STK38L: variants seen among roughly 807,000 people sequenced by gnomAD.
STK38L encodes the protein serine/threonine-protein kinase 38-like.
Under a neutral mutation model 59.7 loss-of-function variants are expected in STK38L, and 28 were observed. That is an observed-to-expected ratio of 0.47 (90% CI 0.35 to 0.64). The LOEUF is 0.64. Ranked by LOEUF, STK38L falls within the 30% of genes least tolerant of loss-of-function variation. The pLI, the probability that STK38L is intolerant of heterozygous loss-of-function variation, is 0.01. For synonymous variants in STK38L, 162 were observed against 176.8 expected, an observed-to-expected ratio of 0.92 and a Z score of 0.66; for missense variants, 314 against 555.8, an observed-to-expected ratio of 0.56 and a Z score of 4.37.
At position 27,308,470 on chromosome 12, in the gene STK38L, C is replaced by A; in HGVS notation, c.309+9C>A. On this transcript the variant is annotated intron_variant, in intron 4 of 13. Transcript: ENST00000389032. The surrounding 1 kb of genome is among the most constrained non-coding windows in gnomAD (Gnocchi z 4.5). ...GAGGAGCTTTTGGAGAGGTGTGCTT[C>A]TTTTTAAAAGTCACTACTGCTGCAA... 6.4e-7 allele frequency: 1 copy of A among 1,557,530 alleles called. No individual in the cohort carries two copies. Among genetic ancestry groups the A allele is most frequent in the South Asian group, 1.2e-5 (1 of 83,510 alleles).
Position 27,324,121 on chromosome 12 carries a change from C to T in STK38L, c.*1666C>T, listed in dbSNP as rs1479543928. 2 of 152,040 alleles carry T rather than the reference C, an allele frequency of 1.3e-5. No individual in the cohort carries two copies. The highest frequency in any genetic ancestry group is 2.1e-4 in the South Asian group (1 of 4,828). The allele number at this position is 152,040 out of a possible 1,614,324, so 9.4% of individuals were successfully genotyped here. ...TGTTTCATAAGGCCATCCTGTTTCC[C>T]CCAACTCCCCCATTTTTGGTTTGTT... is the stretch of plus-strand genomic sequence containing the variant. On this transcript the variant is annotated 3_prime_UTR_variant, in exon 14 of 14. Transcript: ENST00000389032.
intron 1 of STK38L, among the ~76,000 whole-genome samples, chr12:27,268,737 A>T (rs1396401665): frequency 1.3e-5 from 2 of 152,192 alleles, no homozygotes; most frequent in Non-Finnish European, 2.9e-5. Context: ...TCCCACCAAC[A>T]GTGTAAAAGT....
At chr12:27,283,808 A>G (rs1282469911) in intron 1 of STK38L, among the ~76,000 whole-genome samples, 2 of 152,194 alleles carry the variant, frequency 1.3e-5, no homozygotes, top group Non-Finnish European at 2.9e-5. Context: ...ATCTGAATAT[A>G]TGTACACTTA....
chr12:27,274,057 A>C (rs551111730), intron 1 of STK38L, among the ~76,000 whole-genome samples: 1 of 152,194 alleles, frequency 6.6e-6, no homozygotes, highest in East Asian at 1.9e-4. Context: ...GATTGAGACC[A>C]TCCTGGCCAA....
intron 1 of STK38L, among the ~76,000 whole-genome samples, chr12:27,256,275 T>TC (rs1943090345): frequency 6.6e-6 from 1 of 152,216 alleles, no homozygotes; most frequent in Non-Finnish European, 1.5e-5. Flanking sequence ...TTCTAGTGAC[T>TC]CCCCATGGCC....
intron 1 of STK38L, among the ~76,000 whole-genome samples, chr12:27,277,454 G>A (rs1041205264): frequency 6.6e-6 from 1 of 151,724 alleles, no homozygotes; most frequent in South Asian, 2.1e-4. Context: ...ACCTCAAAGG[G>A]TTAAATAGTC....
intron 1 of STK38L, among the ~76,000 whole-genome samples, chr12:27,274,100 A>G (rs963963582): frequency 4.3e-4 from 65 of 152,160 alleles, no homozygotes; most frequent in African/African-American, 1.4e-3. Flanking sequence ...TAAAAATACA[A>G]AAATTAGCTG....
chr12:27,257,760 C>G (rs1943119288), intron 1 of STK38L, among the ~76,000 whole-genome samples: 1 of 152,112 alleles, frequency 6.6e-6, no homozygotes, highest in Non-Finnish European at 1.5e-5. Context: ...TGGCATTCAC[C>G]TTCCTTGTGC....
At chr12:27,271,099 A>G (rs994942543) in intron 1 of STK38L, among the ~76,000 whole-genome samples, 2 of 152,236 alleles carry the variant, frequency 1.3e-5, no homozygotes, top group Non-Finnish European at 2.9e-5. Flanking sequence ...ATTAACTCAC[A>G]ACAATCCTTT....
chr12:27,269,863 G>T (rs1406521787), intron 1 of STK38L, among the ~76,000 whole-genome samples: 1 of 152,052 alleles, frequency 6.6e-6, no homozygotes, highest in African/African-American at 2.4e-5. Context: ...GGCTGGTCTC[G>T]AAATCCTGAC....
intron 1 of STK38L, among the ~76,000 whole-genome samples, chr12:27,247,127 T>C (rs898584722): frequency 3.3e-5 from 5 of 152,238 alleles, no homozygotes; most frequent in African/African-American, 9.6e-5. Flanking sequence ...GTAAATACTT[T>C]ATATAATGCT....
chr12:27,255,429 A>G (rs1174139800), intron 1 of STK38L, among the ~76,000 whole-genome samples: 1 of 152,230 alleles, frequency 6.6e-6, no homozygotes. Flanking sequence ...AAAAACAAAA[A>G]TACTTAAGAT....
chr12:27,267,917 A>G (rs763577582), intron 1 of STK38L, among the ~76,000 whole-genome samples: 12 of 152,062 alleles, frequency 7.9e-5, no homozygotes, highest in Non-Finnish European at 1.3e-4. Flanking sequence ...CTCATTTTAA[A>G]TTTTGTTGTT....
chr12:27,294,149 A>C (rs554114129), intron 1 of STK38L, among the ~76,000 whole-genome samples: 76 of 152,326 alleles, frequency 5.0e-4, no homozygotes, highest in African/African-American at 1.7e-3. Flanking sequence ...ATGCCTAGGG[A>C]AGGTTCACTG....
chr12:27,298,047 C>A, intron 2 of STK38L, 193 bp downstream of exon 2: 1 of 604,298 alleles, frequency 1.7e-6, no homozygotes, highest in Non-Finnish European at 2.8e-6. Flanking sequence ...TGCCCCAAGT[C>A]TTGTGCATCT....
chr12:27,298,001 A>T lies in STK38L; in HGVS notation c.134+147A>T, dbSNP rs11048967. 6.3e-3 allele frequency: 6,080 copies of T among 965,352 alleles called. 245 individuals carry two copies. In the African/African-American group the frequency reaches 0.087, roughly 14 times the overall value. The allele number at this position is 965,352 out of a possible 1,614,324, so 59.8% of individuals were successfully genotyped here. On this transcript the variant is annotated intron_variant, in intron 2 of 13. Transcript: ENST00000389032. Reference sequence around the variant, plus strand: ...TTTCCTGTACTGACAGTGCACATAGACATGTGTTTTATTTTCACAGAGTAG... The same window carrying T: ...TTTCCTGTACTGACAGTGCACATAGTCATGTGTTTTATTTTCACAGAGTAG...
chr12:27,304,115 T>C (rs1944247197), intron 3 of STK38L, among the ~76,000 whole-genome samples: 1 of 151,798 alleles, frequency 6.6e-6, no homozygotes, highest in African/African-American at 2.4e-5. Context: ...TTTTAAAAAT[T>C]AAGCATGGTG....
rs1361710575 is a variant in STK38L at position 27,322,872 on chromosome 12, C to G, written c.*417C>G. ...GTAACACTGCAGTATTGATGTTTTACTGCAAATCTTATGGGTCTAGATAAT... is the reference window on the plus strand; with the variant it reads ...GTAACACTGCAGTATTGATGTTTTAGTGCAAATCTTATGGGTCTAGATAAT... On this transcript the variant is annotated 3_prime_UTR_variant, in exon 14 of 14. Transcript: ENST00000389032. 1 of 154,494 alleles carries G rather than the reference C, an allele frequency of 6.5e-6. No individual in the cohort carries two copies. The highest frequency in any genetic ancestry group is 2.4e-5 in the African/African-American group (1 of 41,486). 9.6% of individuals were successfully genotyped at this position (154,494 alleles called of 1,614,324 possible).
chr12:27,272,843 G>T (rs1237961042), intron 1 of STK38L, among the ~76,000 whole-genome samples: 1 of 152,146 alleles, frequency 6.6e-6, no homozygotes. Flanking sequence ...ATTGTTTTCT[G>T]TGTGGGTTGG....
Sources: allele counts gnomAD v4.1 joint callset (sites outside exome capture counted in the v4.1 genomes callset), GRCh38; gene constraint gnomAD v4.1.1; non-coding constraint Gnocchi (gnomAD v3.1); transcripts MANE v1.5; gene names NCBI Gene and HGNC (gene_info 2026-07-23, HGNC 2026-07-21).